The following KREMEN1 variants were observed in gnomAD, a reference collection of about 807,000 sequenced individuals.
KREMEN1 encodes the protein kringle containing transmembrane protein 1.
KREMEN1 carries 30 observed loss-of-function variants against 46.5 expected under a neutral mutation model. The observed-to-expected ratio is 0.65, with a 90% confidence interval of 0.48 to 0.88. KREMEN1 has a LOEUF of 0.88. Ranked by LOEUF, KREMEN1 falls within the 40% of genes least tolerant of loss-of-function variation. The pLI, the probability that KREMEN1 is intolerant of heterozygous loss-of-function variation, is 0.00. For missense variants in KREMEN1, 533 were observed against 596.9 expected (o/e 0.89, Z 1.11); for synonymous variants, 214 against 230.6 (o/e 0.93, Z 0.65).
rs1321102675 is a variant in KREMEN1 at position 29,143,673 on chromosome 22, C to T, written c.*1561C>T. ...AGGAGAATGGCGTGAACCCGGGAGGCGGAGCTTGCAGTGAGCAGAGATCAC... is the reference window on the plus strand; with the variant it reads ...AGGAGAATGGCGTGAACCCGGGAGGTGGAGCTTGCAGTGAGCAGAGATCAC... On this transcript the variant is annotated 3_prime_UTR_variant, in exon 9 of 9. Coordinates refer to ENST00000400335, the MANE Select transcript of KREMEN1 (RefSeq NM_001039570.3). 21 of 845,884 alleles carry T rather than the reference C, an allele frequency of 2.5e-5. No individual in the cohort carries two copies. The highest frequency in any genetic ancestry group is 1.3e-4 in the Admixed American group (2 of 15,906). The allele number at this position is 845,884 out of a possible 1,614,324, so 52.4% of individuals were successfully genotyped here. A position where few individuals can be genotyped will look rare whatever the true frequency, so the allele number is the denominator to read the frequency against.
At chr22:29,156,821 C>T (rs1428179229) in intron 9 of KREMEN1, among the ~76,000 whole-genome samples, 1 of 152,234 alleles carries the variant, frequency 6.6e-6, no homozygotes, top group Non-Finnish European at 1.5e-5. Context: ...GCTCCCCGCT[C>T]AACTCTACAT....
chr22:29,131,560 A>ATATATATATATG (rs1240832937), intron 5 of KREMEN1, among the ~76,000 whole-genome samples: 5 of 69,938 alleles, frequency 7.1e-5, no homozygotes, highest in African/African-American at 1.7e-4. Context: ...ATATATATAT[A>ATATATATATATG]TGTGTGTGTG....
rs562486542 is a variant in KREMEN1, at chr22:29,145,777, T to C, written c.*3665T>C. The C allele has an allele frequency of 3.0e-6, 3 of 985,502 alleles. No homozygotes were observed. Among genetic ancestry groups the C allele is most frequent in the Admixed American group, 6.1e-5 (1 of 16,278 alleles). The allele number at this position is 985,502 out of a possible 1,614,324, so 61.0% of individuals were successfully genotyped here. ...GCGAGGAAACCAGGCTGCTCTAACTTCTGAAGAGTGGGCTCTGGCTCAAGA... is the reference window on the plus strand; with the variant it reads ...GCGAGGAAACCAGGCTGCTCTAACTCCTGAAGAGTGGGCTCTGGCTCAAGA... On this transcript the variant is annotated 3_prime_UTR_variant, in exon 9 of 9. Coordinates refer to ENST00000400335, the MANE Select transcript of KREMEN1 (RefSeq NM_001039570.3).
intron 1 of KREMEN1, among the ~76,000 whole-genome samples, chr22:29,090,728 G>A (rs779393006): frequency 3.3e-5 from 5 of 152,244 alleles, no homozygotes; most frequent in South Asian, 2.1e-4. Context: ...ATCAAGATGC[G>A]CTAGATGACT....
At chr22:29,158,238 C>T (rs1365736030) in intron 9 of KREMEN1, among the ~76,000 whole-genome samples, 1 of 152,178 alleles carries the variant, frequency 6.6e-6, no homozygotes, top group East Asian at 1.9e-4. Context: ...TCCTCACGTG[C>T]AGCCAGCCAT....
At chr22:29,161,374 G>T (rs1381946155) in intron 9 of KREMEN1, among the ~76,000 whole-genome samples, 2 of 151,970 alleles carry the variant, frequency 1.3e-5, no homozygotes, top group South Asian at 4.2e-4. Context: ...AGGCGTGGTG[G>T]CAGGCGCCTG....
In KREMEN1 at chr22:29,145,114, C is replaced by T. The variant is rs2038836384; in HGVS notation, c.*3002C>T. On this transcript the variant is annotated 3_prime_UTR_variant, in exon 9 of 9. Transcript: ENST00000400335. The stretch of plus-strand genomic sequence containing the variant: ...ACTCAGTTAGAACCAGGTAGAAAGT[C>T]AGCGACACCCCACAGAAGGCCACTG... 3.0e-6 allele frequency: 3 copies of T among 985,874 alleles called. No homozygotes were observed. The highest frequency in any genetic ancestry group is 3.6e-6 in the Non-Finnish European group (3 of 830,154). The allele number at this position is 985,874 out of a possible 1,614,324, so 61.1% of individuals were successfully genotyped here. A position where few individuals can be genotyped will look rare whatever the true frequency, so the allele number is the denominator to read the frequency against.
At chr22:29,078,068 A>G (rs540384704) in intron 1 of KREMEN1, among the ~76,000 whole-genome samples, 3 of 152,284 alleles carry the variant, frequency 2.0e-5, no homozygotes, top group South Asian at 4.1e-4. Context: ...CCTAGGCAAC[A>G]TAGTGAGACC....
chr22:29,094,450 A>C (rs756785251), intron 2 of KREMEN1, 30 bp downstream of exon 2: 1 of 1,586,110 alleles, frequency 6.3e-7, no homozygotes, highest in Admixed American at 1.8e-5. Flanking sequence ...TACTTTAAAA[A>C]GATAGATATA....
At chr22:29,149,366 T>A (rs1161685596), downstream of KREMEN1, among the ~76,000 whole-genome samples, 1 of 152,160 alleles carries the variant, frequency 6.6e-6, no homozygotes, top group Non-Finnish European at 1.5e-5. Flanking sequence ...TTTCACCATG[T>A]TGGCCAGGAT....
intron 3 of KREMEN1, among the ~76,000 whole-genome samples, chr22:29,112,720 A>G (rs1421759221): frequency 2.0e-5 from 3 of 152,218 alleles, no homozygotes; most frequent in African/African-American, 7.2e-5. Flanking sequence ...CTCTTTGGTA[A>G]GAGGAAAAAT....
At chr22:29,102,310 C>T (rs536012731) in intron 3 of KREMEN1, among the ~76,000 whole-genome samples, 1 of 152,266 alleles carries the variant, frequency 6.6e-6, no homozygotes, top group African/African-American at 2.4e-5. Context: ...CCTGAGTGTG[C>T]CTTCATCCAG....
At position 29,098,981 on chromosome 22, in the gene KREMEN1, T is replaced by C. The variant is rs1251756169; in HGVS notation, c.352+28T>C. The C allele has an allele frequency of 2.0e-6, 3 of 1,514,858 alleles. No homozygotes were observed. In the Admixed American group the frequency reaches 5.0e-5, roughly 25 times the overall value. 93.8% of individuals were successfully genotyped at this position (1,514,858 alleles called of 1,614,324 possible). On this transcript the variant is annotated intron_variant, in intron 3 of 8. Coordinates refer to ENST00000400335, the MANE Select transcript of KREMEN1 (RefSeq NM_001039570.3). ...AAGACTGTAATACCCAATGTGATGG[T>C]TTACAGGACTGTGAACACTAAGAGT...
chr22:29,083,507 C>A (rs187435351), intron 1 of KREMEN1, among the ~76,000 whole-genome samples: 86 of 152,126 alleles, frequency 5.7e-4, no homozygotes, highest in African/African-American at 2.0e-3. Flanking sequence ...TGATCTAGAC[C>A]CCAAAAGGGG....
intron 5 of KREMEN1, among the ~76,000 whole-genome samples, 197 bp from the exon 6 acceptor site, chr22:29,137,145 C>G (rs984429397): frequency 1.3e-5 from 2 of 152,198 alleles, no homozygotes; most frequent in African/African-American, 4.8e-5. Context: ...ATTCTAAGGT[C>G]TCTGGGGGGA....
Position 29,138,721 on chromosome 22 carries a change from G to T in KREMEN1, c.1062G>T (p.Arg354=). The T allele has an allele frequency of 6.2e-7, 1 of 1,614,192 alleles. No homozygotes were observed. The highest frequency in any genetic ancestry group is 8.5e-7 in the Non-Finnish European group (1 of 1,180,046). ...EQANLSVSAA[R]SSKVLYVITT... ...CCAACCTCAGTGTCAGCGCTGCCCG[G>T]TCCTCCAAAGTCCTCTATGTCATCA... The change falls in exon 7 of 9, where the codon CGG becomes CGT. Residue 354 remains arginine, a synonymous_variant. Coordinates refer to ENST00000400335, the MANE Select transcript of KREMEN1 (RefSeq NM_001039570.3).
At chr22:29,161,499 T>G (rs1195931428) in intron 9 of KREMEN1, among the ~76,000 whole-genome samples, 2 of 75,310 alleles carry the variant, frequency 2.7e-5, no homozygotes, top group Non-Finnish European at 4.6e-5. Flanking sequence ...AGAGTGAGAC[T>G]CCATCTCAAA....
In KREMEN1 at chr22:29,117,059, G is replaced by A. The variant is rs961104007; in HGVS notation, c.353-4298G>A. 5.9e-5 allele frequency among the ~76,000 whole-genome samples: 9 copies of A among 152,174 alleles called. No individual in the cohort carries two copies. In the East Asian group the frequency reaches 1.3e-3, roughly 23 times the overall value. ...AAGGTAACCACTTGGCTTAGAGGGGGAAGGGTGAGTCTTTGGGTTAACAGA... is the reference window on the plus strand; with the variant it reads ...AAGGTAACCACTTGGCTTAGAGGGGAAAGGGTGAGTCTTTGGGTTAACAGA... On this transcript the variant is annotated intron_variant, in intron 3 of 8. Coordinates refer to ENST00000400335, the MANE Select transcript of KREMEN1 (RefSeq NM_001039570.3).
chr22:29,098,095 C>T (rs1383052629), intron 2 of KREMEN1, among the ~76,000 whole-genome samples: 2 of 151,840 alleles, frequency 1.3e-5, no homozygotes, highest in Admixed American at 6.6e-5. Context: ...GCAGGAGAAT[C>T]GCTTGAGCCT....
Sources: allele counts gnomAD v4.1 joint callset (sites outside exome capture counted in the v4.1 genomes callset), GRCh38; gene constraint gnomAD v4.1.1; transcripts MANE v1.5; gene names NCBI Gene and HGNC (gene_info 2026-07-23, HGNC 2026-07-21).